The following FARS2 variants were observed in gnomAD, a reference collection of about 807,000 sequenced individuals.
The protein encoded by FARS2 is phenylalanine--tRNA ligase, mitochondrial.
In FARS2, 40 loss-of-function variants were observed where a neutral mutation model predicts 46.4. That is an observed-to-expected ratio of 0.86 (90% CI 0.67 to 1.12). The LOEUF is 1.12. Among genes scored for constraint, FARS2 ranks in the 50% most tolerant of loss-of-function variants. The probability of loss-of-function intolerance (pLI) is 0.00; values close to 1 mark genes in which losing one functional copy is unlikely to be tolerated. For synonymous variants in FARS2, 234 were observed against 214.9 expected (o/e 1.09, Z -0.78); for missense variants, 513 against 567.9 (o/e 0.90, Z 0.98).
chr6:5,359,495 T>C, intron 1 of FARS2, among the ~76,000 whole-genome samples: 1 of 152,212 alleles, frequency 6.6e-6, no homozygotes, highest in East Asian at 1.9e-4. Flanking sequence ...AAGACTGAAG[T>C]GTCAAAGGAT....
chr6:5,670,706 G>A (rs1410635304), intron 6 of FARS2, among the ~76,000 whole-genome samples: 1 of 152,170 alleles, frequency 6.6e-6, no homozygotes, highest in African/African-American at 2.4e-5. Context: ...GTTCTCATTA[G>A]TATGCACAGC....
rs753869644 is a variant in FARS2 at position 5,471,350 on chromosome 6, G to C, written c.904+40178G>C. On this transcript the variant is annotated intron_variant, in intron 4 of 6. Coordinates refer to ENST00000274680, the MANE Select transcript of FARS2 (RefSeq NM_006567.5). The surrounding 1 kb of genome is among the most constrained non-coding windows in gnomAD (Gnocchi z 4.1). Reference sequence around the variant, plus strand: ...AGAGGGAATTTCCTGAGACTCCATAGCAAGAGTCAGAATTTCAGCAAAAAC... The same window carrying C: ...AGAGGGAATTTCCTGAGACTCCATACCAAGAGTCAGAATTTCAGCAAAAAC... Among the ~76,000 whole-genome samples, 2 of 152,176 alleles carry C rather than the reference G, an allele frequency of 1.3e-5. No individual in the cohort carries two copies. Among genetic ancestry groups the C allele is most frequent in the African/African-American group, 4.8e-5 (2 of 41,444 alleles).
chr6:5,752,586 G>T (rs534684604), intron 6 of FARS2, among the ~76,000 whole-genome samples: 42 of 152,346 alleles, frequency 2.8e-4, no homozygotes, highest in African/African-American at 9.9e-4. Flanking sequence ...ATCACTGCCA[G>T]AGTGGAACAG....
At chr6:5,679,305 C>T (rs17141149) in intron 6 of FARS2, among the ~76,000 whole-genome samples, 9,650 of 152,196 alleles carry the variant, frequency 0.063, 563 homozygotes, top group African/African-American at 0.15. Context: ...TGAGTGATAC[C>T]AGCCTCTGGA....
At chr6:5,420,864 T>C (rs992243760) in intron 3 of FARS2, among the ~76,000 whole-genome samples, 7 of 152,136 alleles carry the variant, frequency 4.6e-5, no homozygotes, top group Non-Finnish European at 8.8e-5. Context: ...AAGCCCACAG[T>C]GTGCCATCCT....
At chr6:5,674,044 T>C (rs897273747) in intron 6 of FARS2, among the ~76,000 whole-genome samples, 6 of 151,866 alleles carry the variant, frequency 4.0e-5, no homozygotes, top group Non-Finnish European at 8.8e-5. Context: ...GCCAAAATAT[T>C]GAAGTGGAAG....
At chr6:5,550,813 G>A (rs1771327425) in intron 5 of FARS2, among the ~76,000 whole-genome samples, 1 of 152,080 alleles carries the variant, frequency 6.6e-6, no homozygotes, top group African/African-American at 2.4e-5. Context: ...GATCTTTCTT[G>A]AATAATTCAT....
chr6:5,683,325 G>T (rs1020812615), intron 6 of FARS2, among the ~76,000 whole-genome samples: 1 of 152,184 alleles, frequency 6.6e-6, no homozygotes, highest in African/African-American at 2.4e-5. Flanking sequence ...ACACATCCTG[G>T]GTTTGGGACT....
At chr6:5,679,938 G>T (rs542463898) in intron 6 of FARS2, among the ~76,000 whole-genome samples, 1 of 151,338 alleles carries the variant, frequency 6.6e-6, no homozygotes, top group South Asian at 2.1e-4. Context: ...GTTCCTGAGG[G>T]CATTACTTTT....
rs146258003 is a variant in FARS2, at chr6:5,620,896, A to G, written c.1217+7576A>G. On this transcript the variant is annotated intron_variant, in intron 6 of 6. Coordinates refer to ENST00000274680, the MANE Select transcript of FARS2 (RefSeq NM_006567.5). ...GGCCTCCGGCCTTCTCCTATATGTCAGTAGGTTTACTGTTCTTACACATCC... is the reference window on the plus strand; with the variant it reads ...GGCCTCCGGCCTTCTCCTATATGTCGGTAGGTTTACTGTTCTTACACATCC... Among the ~76,000 whole-genome samples, 1,239 of 152,348 alleles carry G rather than the reference A, an allele frequency of 8.1e-3. 13 individuals carry two copies. Among genetic ancestry groups the G allele is most frequent in the African/African-American group, 0.028 (1,170 of 41,582 alleles).
In FARS2 at chr6:5,318,274, G is replaced by A. The variant is rs150359013; in HGVS notation, c.-21-50276G>A. On this transcript the variant is annotated intron_variant, in intron 1 of 6. Coordinates refer to ENST00000274680, the MANE Select transcript of FARS2 (RefSeq NM_006567.5). ...CTTGGTTGGCTGAGGCAAGAGAATC[G>A]CTTGAACCCGGGAGGTGGAGCTTGC... 3.4e-3 allele frequency among the ~76,000 whole-genome samples: 510 copies of A among 151,444 alleles called. 1 individual carries two copies. Among genetic ancestry groups the A allele is most frequent in the African/African-American group, 0.012 (488 of 41,212 alleles).
intron 6 of FARS2, among the ~76,000 whole-genome samples, chr6:5,684,338 C>T (rs542885734): frequency 9.9e-5 from 15 of 152,270 alleles, no homozygotes; most frequent in South Asian, 6.2e-4. Flanking sequence ...CCCAGCCCTG[C>T]GCACTAGTAT....
intron 6 of FARS2, among the ~76,000 whole-genome samples, chr6:5,624,253 G>A (rs574451610): frequency 7.2e-5 from 11 of 152,144 alleles, no homozygotes; most frequent in Non-Finnish European, 1.5e-4. Context: ...AACAGCTTAC[G>A]ATGGGTGCAT....
chr6:5,638,222 AG>A (rs1460338896), intron 6 of FARS2, among the ~76,000 whole-genome samples: 1 of 152,212 alleles, frequency 6.6e-6, no homozygotes, highest in East Asian at 1.9e-4. Flanking sequence ...GAGCTACTAC[AG>A]GTACTGGAGG....
At chr6:5,707,615 T>G (rs1222684835) in intron 6 of FARS2, among the ~76,000 whole-genome samples, 1 of 152,198 alleles carries the variant, frequency 6.6e-6, no homozygotes, top group East Asian at 1.9e-4. Context: ...CCAACACTAG[T>G]ATCCTTGTGA....
At chr6:5,479,114 C>T (rs535805885) in intron 4 of FARS2, among the ~76,000 whole-genome samples, 6 of 152,294 alleles carry the variant, frequency 3.9e-5, no homozygotes, top group East Asian at 1.9e-4. Context: ...ACTTGCAATG[C>T]GTATCAGCCT....
chr6:5,320,088 G>A (rs1436354564), intron 1 of FARS2, among the ~76,000 whole-genome samples: 1 of 152,184 alleles, frequency 6.6e-6, no homozygotes, highest in East Asian at 1.9e-4. Flanking sequence ...GGTCAAGTTG[G>A]TGCAGGAAAT....
At chr6:5,275,879 C>T (rs568927706) in intron 1 of FARS2, among the ~76,000 whole-genome samples, 3 of 152,084 alleles carry the variant, frequency 2.0e-5, no homozygotes, top group East Asian at 1.9e-4. Context: ...TCTTGCGTTA[C>T]GATATATTCT....
intron 4 of FARS2, among the ~76,000 whole-genome samples, chr6:5,478,534 C>T (rs2150337018): frequency 6.6e-6 from 1 of 152,328 alleles, no homozygotes. Flanking sequence ...CAGACCCTGG[C>T]TGGAGCTCCC....
Sources: allele counts gnomAD v4.1 joint callset (sites outside exome capture counted in the v4.1 genomes callset), GRCh38; gene constraint gnomAD v4.1.1; non-coding constraint Gnocchi (gnomAD v3.1); transcripts MANE v1.5; gene names NCBI Gene and HGNC (gene_info 2026-07-23, HGNC 2026-07-21).